The following GABRB2 variants were observed in gnomAD, a reference collection of about 807,000 sequenced individuals.
The protein encoded by GABRB2 is gamma-aminobutyric acid receptor subunit beta-2.
GABRB2 carries 16 observed loss-of-function variants against 54.7 expected under a neutral mutation model. The ratio of observed to expected loss-of-function variants is 0.29; its 90% CI spans 0.20 to 0.44. GABRB2 has a LOEUF of 0.44. GABRB2 is among the 20% of genes least tolerant of loss of function. The pLI is 1.00. For synonymous variants in GABRB2, 244 were observed against 233.8 expected, an observed-to-expected ratio of 1.04 and a Z score of -0.40; for missense variants, 355 against 644.0, an observed-to-expected ratio of 0.55 and a Z score of 4.86.
chr5:161,385,061 A>G (rs1043541534), intron 5 of GABRB2, among the ~76,000 whole-genome samples: 4 of 152,138 alleles, frequency 2.6e-5, no homozygotes, highest in Non-Finnish European at 4.4e-5. Context: ...AGAAGAAGCA[A>G]TCCCCAGCTG....
At chr5:161,459,359 C>A (rs1292483258) in intron 4 of GABRB2, 1 of 476,050 alleles carries the variant, frequency 2.1e-6, no homozygotes, top group Non-Finnish European at 3.8e-6. Flanking sequence ...TTTTGATATT[C>A]TTTATCCCTA....
intron 3 of GABRB2, among the ~76,000 whole-genome samples, chr5:161,493,578 A>G (rs934815891): frequency 6.6e-6 from 1 of 151,748 alleles, no homozygotes; most frequent in Non-Finnish European, 1.5e-5. Flanking sequence ...ATTTTGATGA[A>G]AATTCCAATG....
At chr5:161,304,973 G>A (rs1048458414) in intron 9 of GABRB2, among the ~76,000 whole-genome samples, 1 of 151,172 alleles carries the variant, frequency 6.6e-6, no homozygotes, top group Non-Finnish European at 1.5e-5. Context: ...AAGGAAAAGG[G>A]GAAGAAAACT....
At chr5:161,548,291 G>A (rs1384272524), upstream of GABRB2, 3 of 152,398 alleles carry the variant, frequency 2.0e-5, no homozygotes, top group Non-Finnish European at 4.4e-5. Context: ...TCCAGGGAAA[G>A]AGAGGAGCCA....
chr5:161,382,621 C>A (rs1379040301), intron 5 of GABRB2, among the ~76,000 whole-genome samples: 1 of 152,180 alleles, frequency 6.6e-6, no homozygotes, highest in Non-Finnish European at 1.5e-5. Flanking sequence ...GGGCCTTCCT[C>A]CTTCCCAACC....
At chr5:161,341,269 CTT>C (rs965284091) in intron 5 of GABRB2, among the ~76,000 whole-genome samples, 7 of 151,696 alleles carry the variant, frequency 4.6e-5, no homozygotes, top group African/African-American at 1.7e-4. Flanking sequence ...TATGACCTGA[CTT>C]TTACAGCTTT....
chr5:161,515,993 T>G (rs1759934938), intron 3 of GABRB2, among the ~76,000 whole-genome samples: 1 of 152,208 alleles, frequency 6.6e-6, no homozygotes, highest in Non-Finnish European at 1.5e-5. Flanking sequence ...CATGGAGGTT[T>G]GTCAAGAGGC....
At chr5:161,318,800 T>C (rs1465151738) in intron 9 of GABRB2, among the ~76,000 whole-genome samples, 3 of 152,020 alleles carry the variant, frequency 2.0e-5, no homozygotes, top group Non-Finnish European at 4.4e-5. Flanking sequence ...GCTCATAGAA[T>C]ACTTTAGAAA....
At chr5:161,367,850 C>T (rs1336757718) in intron 5 of GABRB2, among the ~76,000 whole-genome samples, 1 of 152,134 alleles carries the variant, frequency 6.6e-6, no homozygotes, top group African/African-American at 2.4e-5. Context: ...AATTTCACAA[C>T]ATTAAATGTC....
intron 3 of GABRB2, among the ~76,000 whole-genome samples, chr5:161,489,484 A>T (rs545287349): frequency 6.6e-6 from 1 of 151,862 alleles, no homozygotes; most frequent in African/African-American, 2.4e-5. Flanking sequence ...CAAACAGAGT[A>T]GATAAATTTG....
At chr5:161,299,436 G>A (rs551387151) in intron 9 of GABRB2, among the ~76,000 whole-genome samples, 1 of 152,232 alleles carries the variant, frequency 6.6e-6, no homozygotes, top group South Asian at 2.1e-4. Flanking sequence ...AGAAGTGAGT[G>A]GCCCCAAATC....
At chr5:161,400,731 C>T (rs893549795) in intron 5 of GABRB2, among the ~76,000 whole-genome samples, 3 of 152,120 alleles carry the variant, frequency 2.0e-5, no homozygotes, top group Non-Finnish European at 4.4e-5. Flanking sequence ...CTGCTCCTGG[C>T]TGTTCTTTGA....
chr5:161,334,617 T>C (rs1380034031), intron 7 of GABRB2, 135 bp downstream of exon 7: 8 of 790,330 alleles, frequency 1.0e-5, no homozygotes, highest in East Asian at 2.6e-5. Flanking sequence ...CAAAGTCTCA[T>C]AGCGAAACTC....
intron 5 of GABRB2, among the ~76,000 whole-genome samples, chr5:161,388,847 G>A (rs1357109327): frequency 6.6e-6 from 1 of 151,756 alleles, no homozygotes; most frequent in African/African-American, 2.4e-5. Context: ...ACAATAGTTA[G>A]GCTTTATTTT....
chr5:161,304,507 C>T (rs1757624665), intron 9 of GABRB2, among the ~76,000 whole-genome samples: 1 of 152,116 alleles, frequency 6.6e-6, no homozygotes. Flanking sequence ...TCTCTAGTAA[C>T]CCTTTGGATT....
rs1001212584 is a variant in GABRB2 at position 161,546,571 on chromosome 5, G to T, written c.73C>A (p.Gln25Lys). The T allele has an allele frequency of 2.4e-5, 39 of 1,597,036 alleles. No homozygotes were observed. Among genetic ancestry groups the T allele is most frequent in the Non-Finnish European group, 3.2e-5 (37 of 1,170,788 alleles). ...FPLIIAAVCA[Q>K]SVNDPSNMSL... Reference sequence around the variant, plus strand: ...AGAAACGCTGGGCACACTTACCTCTGCGCACAGACAGCGGCGATTATTAAG... The same window carrying T: ...AGAAACGCTGGGCACACTTACCTCTTCGCACAGACAGCGGCGATTATTAAG... The change falls in exon 1 of 10, where the codon CAG (glutamine) becomes AAG (lysine). Residue 25 changes from glutamine (Q) to lysine (K), a missense_variant. Around this residue, in one of 6 missense-constraint regions of GABRB2, gnomAD observed 42 missense variants for 43.0 expected, o/e 0.98. Coordinates refer to ENST00000393959, the MANE Select transcript of GABRB2 (RefSeq NM_001371727.1).
chr5:161,317,516 C>T (rs1269439028), intron 9 of GABRB2, among the ~76,000 whole-genome samples: 2 of 152,110 alleles, frequency 1.3e-5, no homozygotes, highest in Non-Finnish European at 2.9e-5. Flanking sequence ...GTTCAAGATG[C>T]ATTAAATGCA....
rs535356869 is a variant in GABRB2 at position 161,288,550 on chromosome 5, T to C, written c.*5531A>G. 118 of 152,764 alleles carry C rather than the reference T, an allele frequency of 7.7e-4. No homozygotes were observed. Among genetic ancestry groups the C allele is most frequent in the African/African-American group, 2.7e-3 (113 of 41,582 alleles). The allele number at this position is 152,764 out of a possible 1,614,324, so 9.5% of individuals were successfully genotyped here. A position where few individuals can be genotyped will look rare whatever the true frequency, so the allele number is the denominator to read the frequency against. ...TTTAAATTCAAGAAAATAATTCTTATGTGCTATTCATTTATAATCCTCATT... is the reference window on the plus strand; with the variant it reads ...TTTAAATTCAAGAAAATAATTCTTACGTGCTATTCATTTATAATCCTCATT... On this transcript the variant is annotated 3_prime_UTR_variant, in exon 10 of 10. Coordinates refer to ENST00000393959, the MANE Select transcript of GABRB2 (RefSeq NM_001371727.1).
At chr5:161,381,868 A>G (rs1580935069) in intron 5 of GABRB2, among the ~76,000 whole-genome samples, 1 of 152,200 alleles carries the variant, frequency 6.6e-6, no homozygotes, top group East Asian at 1.9e-4. Flanking sequence ...TAGATATTTC[A>G]TACATCTGGT....
Sources: allele counts gnomAD v4.1 joint callset (sites outside exome capture counted in the v4.1 genomes callset), GRCh38; gene constraint gnomAD v4.1.1; regional missense constraint gnomAD v4.1.1; transcripts MANE v1.5; gene names NCBI Gene and HGNC (gene_info 2026-07-23, HGNC 2026-07-21).